Variants in LYPLAL1 observed in about 807,000 individuals in gnomAD.
The protein encoded by LYPLAL1 is lysophospholipase like 1.
LYPLAL1 carries 23 observed loss-of-function variants against 19.7 expected under a neutral mutation model. That is an observed-to-expected ratio of 1.17 (90% CI 0.84 to 1.65). The LOEUF is 1.65. LYPLAL1 is among the 40% of genes most tolerant of loss of function. The pLI, the probability that LYPLAL1 is intolerant of heterozygous loss-of-function variation, is 0.00. For synonymous variants in LYPLAL1, 119 were observed against 96.3 expected (o/e 1.24, Z -1.38); for missense variants, 355 against 279.4 (o/e 1.27, Z -1.93).
chr1:219,385,364 T>G, the LYPLAL1 span, among the ~76,000 whole-genome samples: 1 of 152,124 alleles, frequency 6.6e-6, no homozygotes, highest in Admixed American at 6.5e-5. Context: ...CCAAAGCCAC[T>G]CAAAAAATTG....
the LYPLAL1 span, among the ~76,000 whole-genome samples, chr1:219,334,526 G>GGTGTGTGTGTGT: frequency 6.8e-6 from 1 of 147,150 alleles, no homozygotes; most frequent in African/African-American, 2.5e-5. Flanking sequence ...AATGAAGAGG[G>GGTGTGTGTGTGT]GTGTGTGTGT....
chr1:219,207,669 A>G (rs941203170), intron 3 of LYPLAL1, among the ~76,000 whole-genome samples: 4 of 152,072 alleles, frequency 2.6e-5, no homozygotes, highest in Admixed American at 6.6e-5. Flanking sequence ...AGCTCCCATC[A>G]TTAAATTCTA....
At chr1:219,190,903 G>A (rs561530730) in intron 2 of LYPLAL1, among the ~76,000 whole-genome samples, 42 of 151,676 alleles carry the variant, frequency 2.8e-4, no homozygotes, top group South Asian at 6.2e-4. Flanking sequence ...GGAGTTGCTC[G>A]TGAAGGGGCA....
chr1:219,254,130 G>C, the LYPLAL1 span, among the ~76,000 whole-genome samples: 4 of 151,998 alleles, frequency 2.6e-5, no homozygotes, highest in South Asian at 8.3e-4. Flanking sequence ...ACATTTGCTT[G>C]GTAGGTTTTC....
chr1:219,278,854 A>G, the LYPLAL1 span, among the ~76,000 whole-genome samples: 3 of 152,064 alleles, frequency 2.0e-5, no homozygotes, highest in South Asian at 4.2e-4. Flanking sequence ...TGTGCCTTGT[A>G]GGATGTTTAG....
chr1:219,260,522 A>G, the LYPLAL1 span, among the ~76,000 whole-genome samples: 2 of 151,452 alleles, frequency 1.3e-5, no homozygotes, highest in Non-Finnish European at 3.0e-5. Flanking sequence ...TTGATAAAAT[A>G]TATCTTCTCA....
At chr1:219,414,563 C>G in the LYPLAL1 span, among the ~76,000 whole-genome samples, 1 of 152,182 alleles carries the variant, frequency 6.6e-6, no homozygotes, top group Non-Finnish European at 1.5e-5. Context: ...GCTATTTTCA[C>G]TTCTAGTGGA....
the LYPLAL1 span, among the ~76,000 whole-genome samples, chr1:219,397,099 G>C: frequency 1.2e-4 from 18 of 152,260 alleles, 2 homozygotes; most frequent in South Asian, 3.7e-3. Flanking sequence ...TCAATACCTA[G>C]TTTATTGAGA....
chr1:219,356,264 G>A, the LYPLAL1 span, among the ~76,000 whole-genome samples: 4 of 152,144 alleles, frequency 2.6e-5, no homozygotes, highest in African/African-American at 7.2e-5. Flanking sequence ...CACTTTGGGA[G>A]GCCGAGGTGG....
the LYPLAL1 span, among the ~76,000 whole-genome samples, chr1:219,296,450 T>C: frequency 6.6e-6 from 1 of 152,046 alleles, no homozygotes; most frequent in Non-Finnish European, 1.5e-5. Context: ...TGAACAGTGG[T>C]TAGTTTGTTT....
In LYPLAL1 at chr1:219,175,377, T is replaced by A. The variant is rs111915651; in HGVS notation, c.91+1396T>A. ...CAGCGGTACTTAATAACTAGGAGACTGGTAGTACTATTTAGGGCTCCAAGA... is the reference window on the plus strand; with the variant it reads ...CAGCGGTACTTAATAACTAGGAGACAGGTAGTACTATTTAGGGCTCCAAGA... On this transcript the variant is annotated intron_variant, in intron 1 of 4. Coordinates refer to ENST00000366928, the MANE Select transcript of LYPLAL1 (RefSeq NM_138794.5). Among the ~76,000 whole-genome samples the A allele has an allele frequency of 7.9e-5, 12 of 152,288 alleles. 2 individuals are homozygous for A. The highest frequency in any genetic ancestry group is 2.6e-4 in the African/African-American group (11 of 41,558).
At chr1:219,235,628 T>TC in the LYPLAL1 span, among the ~76,000 whole-genome samples, 1 of 152,190 alleles carries the variant, frequency 6.6e-6, no homozygotes, top group Non-Finnish European at 1.5e-5. Context: ...TAGGGTGTAT[T>TC]CAAAAACAGA....
chr1:219,374,742 C>T, the LYPLAL1 span, among the ~76,000 whole-genome samples: 2 of 151,912 alleles, frequency 1.3e-5, no homozygotes, highest in East Asian at 1.9e-4. Flanking sequence ...TTTTCACATC[C>T]CAAATTCCGG....
the LYPLAL1 span, among the ~76,000 whole-genome samples, chr1:219,260,271 CAT>C: frequency 6.6e-6 from 1 of 151,438 alleles, no homozygotes; most frequent in Non-Finnish European, 1.5e-5. Flanking sequence ...TGTTAGAAGT[CAT>C]ATAATTAAAA....
At chr1:219,354,370 T>C in the LYPLAL1 span, among the ~76,000 whole-genome samples, 1 of 152,186 alleles carries the variant, frequency 6.6e-6, no homozygotes, top group Admixed American at 6.5e-5. Flanking sequence ...CTAATTTTTG[T>C]ATTTTTAGTA....
At chr1:219,199,190 C>T (rs1232250562) in intron 3 of LYPLAL1, among the ~76,000 whole-genome samples, 1 of 152,104 alleles carries the variant, frequency 6.6e-6, no homozygotes, top group Non-Finnish European at 1.5e-5. Context: ...CTGTGCAAGA[C>T]AAATTCTTTT....
chr1:219,278,272 C>T, the LYPLAL1 span, among the ~76,000 whole-genome samples: 1 of 152,098 alleles, frequency 6.6e-6, no homozygotes, highest in African/African-American at 2.4e-5. Context: ...AATCAAGCCT[C>T]TTTTTGTCTG....
chr1:219,334,804 T>C, the LYPLAL1 span, among the ~76,000 whole-genome samples: 3 of 151,948 alleles, frequency 2.0e-5, no homozygotes, highest in Non-Finnish European at 4.4e-5. Context: ...TTCCTCTGCA[T>C]ACCTTACCTT....
the LYPLAL1 span, among the ~76,000 whole-genome samples, chr1:219,355,386 T>G: frequency 6.7e-6 from 1 of 150,252 alleles, no homozygotes; most frequent in Non-Finnish European, 1.5e-5. Flanking sequence ...GAGAGAAAAA[T>G]AAAATAAAAA....
Sources: allele counts gnomAD v4.1 joint callset (sites outside exome capture counted in the v4.1 genomes callset), GRCh38; gene constraint gnomAD v4.1.1; transcripts MANE v1.5; gene names NCBI Gene and HGNC (gene_info 2026-07-23, HGNC 2026-07-21).